CCDC42: variants seen among roughly 807,000 people sequenced by gnomAD.
CCDC42 encodes coiled-coil domain containing 42, also known as coiled-coil domain-containing protein 42.
Under a neutral mutation model 40.8 loss-of-function variants are expected in CCDC42, and 38 were observed. The ratio of observed to expected loss-of-function variants is 0.93; its 90% CI spans 0.72 to 1.22. The LOEUF is 1.22. CCDC42 is among the 50% of genes most tolerant of loss of function. The pLI, the probability that CCDC42 is intolerant of heterozygous loss-of-function variation, is 0.00. For synonymous variants in CCDC42, 135 were observed against 157.5 expected (o/e 0.86, Z 1.07); for missense variants, 379 against 416.5 (o/e 0.91, Z 0.78).
chr17:8,741,604 T>G lies in CCDC42; in HGVS notation c.362A>C (p.His121Pro). 1 of 1,614,166 alleles carries G rather than the reference T, an allele frequency of 6.2e-7. No individual in the cohort carries two copies. The change falls in exon 4 of 7, where the codon CAC (histidine) becomes CCC (proline). Residue 121 changes from histidine to proline, a missense_variant. His to Pro is a moderately conservative substitution (Grantham distance 77). Coordinates refer to ENST00000293845, the MANE Select transcript of CCDC42 (RefSeq NM_144681.3). The part of the protein sequence containing the change: ...ANKERELKCQ[H>P]MQELTKRKQE... ...CTTGCGCTTGGTCAGCTCCTGCATG[T>G]GCTGGCACTTGAGTTCTCGCTCCTT...
chr17:8,734,112 G>A (rs926402710), intron 6 of CCDC42, among the ~76,000 whole-genome samples: 3 of 152,082 alleles, frequency 2.0e-5, no homozygotes, highest in Non-Finnish European at 4.4e-5. Context: ...CTGCAAGTGC[G>A]TCAAACAATG....
chr17:8,738,723 CCAAAGTGCTGGGATTA>C (rs2086625621), intron 4 of CCDC42, among the ~76,000 whole-genome samples: 1 of 152,122 alleles, frequency 6.6e-6, no homozygotes, highest in Non-Finnish European at 1.5e-5. Context: ...CTCGGCCTCC[CCAAAGTGCTGGGATTA>C]CAAGCGTGAG....
intron 6 of CCDC42, among the ~76,000 whole-genome samples, chr17:8,733,903 T>C (rs35490467): frequency 0.48 from 73,605 of 151,960 alleles, 17,927 homozygotes; most frequent in African/African-American, 0.49. Context: ...TTGTGGGTCA[T>C]AGGGGTTTTT....
chr17:8,741,622 C>A lies in CCDC42; in HGVS notation c.344G>T (p.Arg115Leu), dbSNP rs369756851. Residue 115 changes from arginine (R) to leucine (L), a missense_variant, in exon 4 of 7, where the codon CGA (arginine) becomes CTA (leucine). Arg to Leu is a moderately radical substitution (Grantham distance 102). Transcript: ENST00000293845. ...IRAMKKANKE[R>L]ELKCQHMQEL... ...CTGCATGTGCTGGCACTTGAGTTCT[C>A]GCTCCTTGTTGGCTTTCTTCATGGC... 3 of 1,614,062 alleles carry A rather than the reference C, an allele frequency of 1.9e-6. No individual in the cohort carries two copies. Among genetic ancestry groups the A allele is most frequent in the Middle Eastern group, 1.7e-4 (1 of 5,944 alleles).
intron 1 of CCDC42, 73 bp downstream of exon 1, chr17:8,744,454 A>T: frequency 3.2e-6 from 4 of 1,241,222 alleles, no homozygotes; most frequent in Non-Finnish European, 3.5e-6. Context: ...AGACGGTTGG[A>T]AGATGAGGTA....
chr17:8,735,508 G>A lies in CCDC42; in HGVS notation c.596C>T (p.Ala199Val). 6.2e-7 allele frequency: 1 copy of A among 1,614,116 alleles called. No homozygotes were observed. Among genetic ancestry groups the A allele is most frequent in the Non-Finnish European group, 8.5e-7 (1 of 1,180,032 alleles). The change falls in exon 5 of 7, where the codon GCC becomes GTC. Residue 199 changes from alanine to valine, a missense_variant. Ala to Val is a moderately conservative substitution (Grantham distance 64). Transcript: ENST00000293845. The surrounding 1 kb of genome is among the most constrained non-coding windows in gnomAD (Gnocchi z 4.7). ...CATGTAGCGCGCCAGCCGGGCCTTGGCGCGCTCAATCTTCTCCTGGCCTTC... is the reference window on the plus strand; with the variant it reads ...CATGTAGCGCGCCAGCCGGGCCTTGACGCGCTCAATCTTCTCCTGGCCTTC... ...AQEGQEKIER[A>V]KARLARYMEE...
intron 4 of CCDC42, among the ~76,000 whole-genome samples, chr17:8,739,065 ACTTTCC>A (rs1234708231): frequency 6.6e-6 from 1 of 152,136 alleles, no homozygotes. Context: ...GTGTCTCTAT[ACTTTCC>A]AGTATTCTTA....
At chr17:8,742,261 C>A (rs1304231118) in intron 3 of CCDC42, among the ~76,000 whole-genome samples, 3 of 152,132 alleles carry the variant, frequency 2.0e-5, no homozygotes, top group African/African-American at 7.2e-5. Flanking sequence ...AGATGGGAGG[C>A]AGGAGCCCCT....
Position 8,744,691 on chromosome 17 carries a change from G to A in CCDC42, c.-82C>T, listed in dbSNP as rs1017078354. The A allele has an allele frequency of 6.3e-6, 6 of 950,716 alleles. No homozygotes were observed. Among genetic ancestry groups the A allele is most frequent in the African/African-American group, 4.7e-5 (3 of 63,340 alleles). The allele number at this position is 950,716 out of a possible 1,614,324, so 58.9% of individuals were successfully genotyped here. A position where few individuals can be genotyped will look rare whatever the true frequency, so the allele number is the denominator to read the frequency against. On this transcript the variant is annotated 5_prime_UTR_variant, in exon 1 of 7. Coordinates refer to ENST00000293845, the MANE Select transcript of CCDC42 (RefSeq NM_144681.3). Reference sequence around the variant, plus strand: ...GCAGAGCCACAGGTGGCTCAGGGGTGGTGGCTGCACTCTTGTTTCTCCCTT... The same window carrying A: ...GCAGAGCCACAGGTGGCTCAGGGGTAGTGGCTGCACTCTTGTTTCTCCCTT...
intron 6 of CCDC42, among the ~76,000 whole-genome samples, chr17:8,730,852 T>G (rs1019803873): frequency 6.6e-6 from 1 of 152,012 alleles, no homozygotes; most frequent in African/African-American, 2.4e-5. Context: ...ATGAAAAGGA[T>G]TTAGCAGGCA....
At chr17:8,734,217 TAAAC>T (rs2086597008) in intron 6 of CCDC42, among the ~76,000 whole-genome samples, 1 of 152,254 alleles carries the variant, frequency 6.6e-6, no homozygotes, top group African/African-American at 2.4e-5. Flanking sequence ...ATGAATGAAT[TAAAC>T]AAATGTTTTA....
chr17:8,736,385 C>G (rs1159158100), intron 4 of CCDC42, among the ~76,000 whole-genome samples: 2 of 152,180 alleles, frequency 1.3e-5, no homozygotes, highest in Non-Finnish European at 2.9e-5. Flanking sequence ...ACTCAGCTCA[C>G]CTCCCCCAGC....
intron 3 of CCDC42, among the ~76,000 whole-genome samples, chr17:8,742,677 G>T (rs2086652593): frequency 6.6e-6 from 1 of 152,188 alleles, no homozygotes; most frequent in Non-Finnish European, 1.5e-5. Flanking sequence ...CAGGACTGAG[G>T]GAGTCTAAAC....
chr17:8,732,075 C>G (rs1327678343), intron 6 of CCDC42, among the ~76,000 whole-genome samples: 1 of 149,560 alleles, frequency 6.7e-6, no homozygotes, highest in African/African-American at 2.5e-5. Context: ...CCGAGGCGGG[C>G]GGATCACGAG....
chr17:8,740,823 C>T (rs906425445), intron 4 of CCDC42, among the ~76,000 whole-genome samples: 1 of 152,130 alleles, frequency 6.6e-6, no homozygotes, highest in African/African-American at 2.4e-5. Flanking sequence ...TGACGAGCTG[C>T]GAGACTCTGA....
In CCDC42 at chr17:8,735,304, T is replaced by C; in HGVS notation, c.715-50A>G. The stretch of plus-strand genomic sequence containing the variant: ...ATGAGCACAGCATGTGGTGTGTGTG[T>C]GTTTGTGTGTATGTGTGTGTGTGTA... On this transcript the variant is annotated intron_variant, in intron 5 of 6. Transcript: ENST00000293845. The surrounding 1 kb of genome is among the most constrained non-coding windows in gnomAD (Gnocchi z 4.7). The C allele has an allele frequency of 6.2e-7, 1 of 1,612,420 alleles. No individual in the cohort carries two copies. Among genetic ancestry groups the C allele is most frequent in the Non-Finnish European group, 8.5e-7 (1 of 1,178,708 alleles).
At position 8,744,668 on chromosome 17, in the gene CCDC42, A is replaced by C; in HGVS notation, c.-59T>G. The C allele has an allele frequency of 7.7e-7, 1 of 1,302,610 alleles. No individual in the cohort carries two copies. Among genetic ancestry groups the C allele is most frequent in the Non-Finnish European group, 1.1e-6 (1 of 903,720 alleles). 80.7% of individuals were successfully genotyped at this position (1,302,610 alleles called of 1,614,324 possible). On this transcript the variant is annotated 5_prime_UTR_variant, in exon 1 of 7. Coordinates refer to ENST00000293845, the MANE Select transcript of CCDC42 (RefSeq NM_144681.3). ...TCTTCACAGTGAAATTGTGGGTAGC[A>C]GAGCCACAGGTGGCTCAGGGGTGGT... is the stretch of plus-strand genomic sequence containing the variant.
At chr17:8,730,230 G>A (rs765139987) in intron 6 of CCDC42, 23 bp from the exon 7 acceptor site, 34 of 1,599,858 alleles carry the variant, frequency 2.1e-5, no homozygotes, top group African/African-American at 6.7e-5. Context: ...GGAGCCCAGC[G>A]TTAACTCCGC....
At chr17:8,738,614 C>T (rs1183696714) in intron 4 of CCDC42, among the ~76,000 whole-genome samples, 4 of 151,870 alleles carry the variant, frequency 2.6e-5, no homozygotes, top group South Asian at 2.1e-4. Context: ...TACAGGCACC[C>T]GCCATCACGC....
Sources: allele counts gnomAD v4.1 joint callset (sites outside exome capture counted in the v4.1 genomes callset), GRCh38; gene constraint gnomAD v4.1.1; non-coding constraint Gnocchi (gnomAD v3.1); transcripts MANE v1.5; gene names NCBI Gene and HGNC (gene_info 2026-07-23, HGNC 2026-07-21).